Variants in PCBP2 observed in about 807,000 individuals in gnomAD.
PCBP2 encodes poly(rC)-binding protein 2.
A neutral mutation model predicts 50.1 loss-of-function variants in PCBP2; 4 were observed. The ratio of observed to expected loss-of-function variants is 0.08; its 90% CI spans 0.04 to 0.18. The LOEUF is 0.18. PCBP2 is among the 10% of genes least tolerant of loss of function. The pLI is 1.00. For synonymous variants in PCBP2, 179 were observed against 168.0 expected, an observed-to-expected ratio of 1.07 and a Z score of -0.51; for missense variants, 161 against 474.3, an observed-to-expected ratio of 0.34 and a Z score of 6.14.
intron 14 of PCBP2, among the ~76,000 whole-genome samples, chr12:53,474,578 G>A (rs1247896627): frequency 6.6e-6 from 1 of 152,128 alleles, no homozygotes; most frequent in Non-Finnish European, 1.5e-5. Flanking sequence ...ATCTGGGTTG[G>A]GTCAGTGTGT....
In PCBP2 at chr12:53,459,290, A is replaced by G. The variant is rs1192480750; in HGVS notation, c.262A>G (p.Thr88Ala). 6.2e-7 allele frequency: 1 copy of G among 1,611,894 alleles called. No homozygotes were observed. Among genetic ancestry groups the G allele is most frequent in the South Asian group, 1.1e-5 (1 of 90,908 alleles). The change falls in exon 6 of 15, where the codon ACC becomes GCC. Residue 88 changes from threonine (T) to alanine (A), a missense_variant. Coordinates refer to ENST00000546463, the MANE Select transcript of PCBP2 (RefSeq NM_031989.5). ...TCTGTAGGACATAAGCAGCTCTATGACCAATAGCACAGCTGCCAGTAGACC... is the reference window on the plus strand; with the variant it reads ...TCTGTAGGACATAAGCAGCTCTATGGCCAATAGCACAGCTGCCAGTAGACC... Reference protein sequence around the residue: ...KLEEDISSSMTNSTAASRPPV... With the variant: ...KLEEDISSSMANSTAASRPPV...
intron 5 of PCBP2, 40 bp downstream of exon 5, chr12:53,456,041 G>A (rs780302500): frequency 8.3e-7 from 1 of 1,199,202 alleles, no homozygotes; most frequent in South Asian, 1.2e-5. Flanking sequence ...ATTTTTAAGT[G>A]CTTCCAGAGA....
At chr12:53,479,216 T>G (rs1942883020) in intron 14 of PCBP2, among the ~76,000 whole-genome samples, 190 bp from the exon 15 acceptor site, 1 of 152,182 alleles carries the variant, frequency 6.6e-6, no homozygotes, top group Admixed American at 6.5e-5. Flanking sequence ...GGTTCTGAGG[T>G]AATAGACCTC....
chr12:53,473,640 T>C (rs1454252854), intron 14 of PCBP2, among the ~76,000 whole-genome samples: 1 of 152,218 alleles, frequency 6.6e-6, no homozygotes, highest in African/African-American at 2.4e-5. Flanking sequence ...AGCAATTCGG[T>C]ATCTTAGCCA....
intron 14 of PCBP2, chr12:53,474,920 T>C (rs1487761315): frequency 2.2e-6 from 1 of 451,072 alleles, no homozygotes; most frequent in East Asian, 7.0e-5. Flanking sequence ...CGATCCCTGA[T>C]CACCTCAGCA....
chr12:53,471,893 T>C, intron 14 of PCBP2, 86 bp downstream of exon 14: 1 of 1,183,342 alleles, frequency 8.5e-7, no homozygotes. Context: ...AATATGGGAT[T>C]ACATGGGCGA....
At position 53,481,159 on chromosome 12, in the gene PCBP2, T is replaced by C; in HGVS notation, c.*1717T>C. On this transcript the variant is annotated 3_prime_UTR_variant, in exon 15 of 15. Transcript: ENST00000546463. ...TATAATTTATATAAATATTTCTCTA[T>C]GTACAAGGAATACGAGTGGCTTTCA... The C allele has an allele frequency of 8.2e-7, 1 of 1,223,110 alleles. No homozygotes were observed. Among genetic ancestry groups the C allele is most frequent in the Non-Finnish European group, 1.1e-6 (1 of 927,270 alleles). The allele number at this position is 1,223,110 out of a possible 1,614,324, so 75.8% of individuals were successfully genotyped here. A position where few individuals can be genotyped will look rare whatever the true frequency, so the allele number is the denominator to read the frequency against.
At chr12:53,459,893 C>G (rs187966290) in intron 6 of PCBP2, 2 of 453,984 alleles carry the variant, frequency 4.4e-6, no homozygotes, top group Admixed American at 2.4e-5. Flanking sequence ...CCCAAGGAGC[C>G]GGGACTGCAG....
At chr12:53,461,589 GACTT>G (rs1239103844) in intron 7 of PCBP2, among the ~76,000 whole-genome samples, 1 of 152,182 alleles carries the variant, frequency 6.6e-6, no homozygotes, top group African/African-American at 2.4e-5. Context: ...GTTTCCGAAT[GACTT>G]ACAAGGTCCT....
At chr12:53,474,683 A>G (rs1220348916) in intron 14 of PCBP2, among the ~76,000 whole-genome samples, 1 of 152,166 alleles carries the variant, frequency 6.6e-6, no homozygotes, top group African/African-American at 2.4e-5. Context: ...ATGGAAATAT[A>G]CATATTTAGA....
chr12:53,456,098 C>T, intron 5 of PCBP2, 97 bp downstream of exon 5: 1 of 761,572 alleles, frequency 1.3e-6, no homozygotes. Context: ...ACACACTGGA[C>T]CTTGAGACTC....
intron 14 of PCBP2, among the ~76,000 whole-genome samples, chr12:53,478,091 G>C (rs1942759264): frequency 1.3e-5 from 2 of 152,186 alleles, no homozygotes; most frequent in Admixed American, 1.3e-4. Flanking sequence ...AAACAGAAAG[G>C]CATTGTAGCC....
intron 14 of PCBP2, among the ~76,000 whole-genome samples, chr12:53,478,858 ATC>A (rs1942847578): frequency 1.3e-5 from 2 of 151,050 alleles, no homozygotes; most frequent in Non-Finnish European, 3.0e-5. Flanking sequence ...CTCTTTTTAC[ATC>A]TCTTTTTAAC....
intron 14 of PCBP2, chr12:53,474,740 GTCTT>G: frequency 2.7e-5 from 9 of 334,642 alleles, no homozygotes; most frequent in South Asian, 2.1e-4. Flanking sequence ...TTGACACTAG[GTCTT>G]CCTAATTGTC....
In PCBP2 at chr12:53,455,443, T is replaced by C. The variant is rs1940934823; in HGVS notation, c.94-18T>C. On this transcript the variant is annotated intron_variant, in intron 3 of 14. Coordinates refer to ENST00000546463, the MANE Select transcript of PCBP2 (RefSeq NM_031989.5). Reference sequence around the variant, plus strand: ...TTGAAGTAGCAGTTGGAGCTCATGCTTGACTTTTCCTTTACAGAAAGGAGA... The same window carrying C: ...TTGAAGTAGCAGTTGGAGCTCATGCCTGACTTTTCCTTTACAGAAAGGAGA... The C allele has an allele frequency of 6.2e-7, 1 of 1,613,998 alleles. No individual in the cohort carries two copies. The highest frequency in any genetic ancestry group is 1.3e-5 in the African/African-American group (1 of 74,930).
rs1026373306 is a variant in PCBP2 at position 53,465,057 on chromosome 12, TA to T, written c.672+207del. ...GTAACACCAACTTTTTTTTTTTTTTTAATTTTTTTTTTGTTCAACCCCTCTT... is the reference window on the plus strand; with the variant it reads ...GTAACACCAACTTTTTTTTTTTTTTTATTTTTTTTTTGTTCAACCCCTCTT... On this transcript the variant is annotated intron_variant, in intron 9 of 14. Transcript: ENST00000546463. The T allele has an allele frequency of 2.9e-5, 13 of 442,932 alleles. No homozygotes were observed. In the East Asian group the frequency reaches 3.2e-4, roughly 11 times the overall value. 27.4% of individuals were successfully genotyped at this position (442,932 alleles called of 1,614,324 possible). A position where few individuals can be genotyped will look rare whatever the true frequency, so the allele number is the denominator to read the frequency against.
At chr12:53,469,168 C>T (rs1942024181) in intron 13 of PCBP2, among the ~76,000 whole-genome samples, 1 of 152,018 alleles carries the variant, frequency 6.6e-6, no homozygotes, top group Admixed American at 6.5e-5. Context: ...TCCCAAAGTG[C>T]TGGGATTACA....
intron 1 of PCBP2, among the ~76,000 whole-genome samples, chr12:53,452,642 G>A (rs1940635808): frequency 1.3e-5 from 2 of 151,632 alleles, no homozygotes; most frequent in South Asian, 2.1e-4. Flanking sequence ...CGCGCGCGCG[G>A]TAGGGGGGGC....
At chr12:53,460,011 A>T in intron 6 of PCBP2, 1 of 325,754 alleles carries the variant, frequency 3.1e-6, no homozygotes, top group South Asian at 2.2e-5. Flanking sequence ...CACCCACCTC[A>T]GGCTCCCAGT....
Sources: allele counts gnomAD v4.1 joint callset (sites outside exome capture counted in the v4.1 genomes callset), GRCh38; gene constraint gnomAD v4.1.1; transcripts MANE v1.5; gene names NCBI Gene and HGNC (gene_info 2026-07-23, HGNC 2026-07-21).